Variants in NSD1 observed in about 807,000 individuals in gnomAD.
NSD1 encodes nuclear receptor binding SET domain protein 1.
A neutral mutation model predicts 242.7 loss-of-function variants in NSD1; 26 were observed. The ratio of observed to expected loss-of-function variants is 0.11; its 90% confidence interval spans 0.08 to 0.15. The LOEUF is 0.15. Among genes scored for constraint, NSD1 ranks in the 10% least tolerant of loss-of-function variants. The pLI is 1.00. For missense variants in NSD1, 2,495 were observed against 3,272.8 expected, an observed-to-expected ratio of 0.76 and a Z score of 5.80; for synonymous variants, 1,106 against 1,178.1, an observed-to-expected ratio of 0.94 and a Z score of 1.25.
intron 3 of NSD1, among the ~76,000 whole-genome samples, chr5:177,193,881 TCTC>T (rs1484286656): frequency 1.3e-5 from 2 of 151,602 alleles, no homozygotes; most frequent in African/African-American, 4.8e-5. Flanking sequence ...TTCAAGCAAT[TCTC>T]CTCCTGCCTC....
Position 177,294,169 on chromosome 5 carries a change from A to T in NSD1, c.6801A>T (p.Lys2267Asn). 1 of 1,614,200 alleles carries T rather than the reference A, an allele frequency of 6.2e-7. No homozygotes were observed. The highest frequency in any genetic ancestry group is 8.5e-7 in the Non-Finnish European group (1 of 1,180,026). Residue 2267 changes from lysine (K) to asparagine (N), a missense_variant, in exon 23 of 23, where the codon AAA becomes AAT. By Grantham distance (94) the Lys-to-Asn change is moderately conservative. This residue lies in a region of NSD1 where 475 missense variants were observed against 563.7 expected (regional missense o/e 0.84). Transcript: ENST00000439151. ...ACCAGATGCTGTCGCTCTCCAAAAAAGCTCTGGCAGGGACTTGTCAGAGGC... is the reference window on the plus strand; with the variant it reads ...ACCAGATGCTGTCGCTCTCCAAAAATGCTCTGGCAGGGACTTGTCAGAGGC... Reference protein sequence around the residue: ...DTNQMLSLSKKALAGTCQRPL... With the variant: ...DTNQMLSLSKNALAGTCQRPL...
Position 177,295,603 on chromosome 5 carries a change from C to A in NSD1, c.*144C>A. ...GTTATTCTTTCCTCATATCCCAACA[C>A]TCAGAACTCTTGTGACATTAGCCAG... On this transcript the variant is annotated 3_prime_UTR_variant, in exon 23 of 23. Coordinates refer to ENST00000439151, the MANE Select transcript of NSD1 (RefSeq NM_022455.5). The surrounding 1 kb of genome is among the most constrained non-coding windows in gnomAD (Gnocchi z 4.3). 1.1e-6 allele frequency: 1 copy of A among 887,746 alleles called. No homozygotes were observed. Among genetic ancestry groups the A allele is most frequent in the Non-Finnish European group, 1.8e-6 (1 of 553,198 alleles). 55.0% of individuals were successfully genotyped at this position (887,746 alleles called of 1,614,324 possible). A position where few individuals can be genotyped will look rare whatever the true frequency, so the allele number is the denominator to read the frequency against.
chr5:177,158,666 C>G (rs1758409595), intron 2 of NSD1, among the ~76,000 whole-genome samples: 1 of 151,612 alleles, frequency 6.6e-6, no homozygotes, highest in Non-Finnish European at 1.5e-5. Context: ...ATATTCTCAT[C>G]AACATTTATT....
chr5:177,192,577 G>T (rs1761783533), intron 3 of NSD1, among the ~76,000 whole-genome samples: 1 of 152,076 alleles, frequency 6.6e-6, no homozygotes, highest in Non-Finnish European at 1.5e-5. Context: ...TGTATTTTTA[G>T]TAGAAACGGG....
rs1457153381 is a variant in NSD1 at position 177,280,755 on chromosome 5, A to G, written c.5813A>G (p.Lys1938Arg). 6.2e-7 allele frequency: 1 copy of G among 1,614,116 alleles called. No individual in the cohort carries two copies. Among genetic ancestry groups the G allele is most frequent in the Non-Finnish European group, 8.5e-7 (1 of 1,180,052 alleles). The change falls in exon 18 of 23, where the codon AAG becomes AGG. Residue 1938 changes from lysine (K) to arginine (R), a missense_variant. Around this residue, in one of 19 missense-constraint regions of NSD1, gnomAD observed 114 missense variants for 247.4 expected, o/e 0.46. Transcript: ENST00000439151. ...CGCTGTCAAAACCAGTGCTTTTCCAAGCGCCAATATCCAGAGGTTGAAATT... is the reference window on the plus strand; with the variant it reads ...CGCTGTCAAAACCAGTGCTTTTCCAGGCGCCAATATCCAGAGGTTGAAATT... Reference protein sequence around the residue: ...GGRCQNQCFSKRQYPEVEIFR... With the variant: ...GGRCQNQCFSRRQYPEVEIFR...
chr5:177,292,261 C>T lies in NSD1; in HGVS notation c.6463+103C>T, dbSNP rs569954843. The T allele has an allele frequency of 1.2e-4, 143 of 1,154,986 alleles. 2 individuals are homozygous for T. In the African/African-American group the frequency reaches 1.3e-3, roughly 10 times the overall value. The allele number at this position is 1,154,986 out of a possible 1,614,324, so 71.5% of individuals were successfully genotyped here. On this transcript the variant is annotated intron_variant, in intron 22 of 22. Transcript: ENST00000439151. ...TGAAGAAAGTGCCATTTGGTCTTTC[C>T]ATGCATAATTTTGAGGGGTATGGTC... is the stretch of plus-strand genomic sequence containing the variant.
At chr5:177,292,918 C>T (rs1345786828) in intron 22 of NSD1, among the ~76,000 whole-genome samples, 2 of 152,288 alleles carry the variant, frequency 1.3e-5, no homozygotes, top group Non-Finnish European at 2.9e-5. Flanking sequence ...TAGTGACCTG[C>T]TTCCAAGAGT....
chr5:177,279,990 T>G (rs1273241233), intron 17 of NSD1, among the ~76,000 whole-genome samples: 1 of 149,536 alleles, frequency 6.7e-6, no homozygotes, highest in Non-Finnish European at 1.5e-5. Context: ...TTTATTTTAT[T>G]TTATTTTATT....
chr5:177,160,329 CAG>C (rs1239918064), intron 2 of NSD1, among the ~76,000 whole-genome samples: 2 of 151,672 alleles, frequency 1.3e-5, no homozygotes, highest in African/African-American at 4.8e-5. Context: ...GTTTTTGAGA[CAG>C]AGTTTCACTC....
intron 4 of NSD1, among the ~76,000 whole-genome samples, chr5:177,204,899 T>G (rs1313638647): frequency 2.0e-5 from 3 of 152,196 alleles, no homozygotes; most frequent in African/African-American, 4.8e-5. Flanking sequence ...CACTCAGTAG[T>G]GAAAATTATG....
rs1264367382 is a variant in NSD1, at chr5:177,134,564, C to G, written c.-17-523C>G. Among the ~76,000 whole-genome samples, 1 of 152,192 alleles carries G rather than the reference C, an allele frequency of 6.6e-6. No individual in the cohort carries two copies. Among genetic ancestry groups the G allele is most frequent in the Non-Finnish European group, 1.5e-5 (1 of 68,020 alleles). On this transcript the variant is annotated intron_variant, in intron 1 of 22. Transcript: ENST00000439151. This position sits in a 1 kb window ranked among gnomAD's most constrained non-coding sequence, Gnocchi z 4.2. ...TGGGGTGCAGCCGCCTCGGCCGGCT[C>G]GCCTGCGGCCTGCGCACCGCCGCTG...
chr5:177,190,697 T>G (rs983540379), intron 2 of NSD1, among the ~76,000 whole-genome samples: 9 of 149,958 alleles, frequency 6.0e-5, no homozygotes, highest in Non-Finnish European at 1.2e-4. Flanking sequence ...CGAGACGGAG[T>G]CTTGCTCTGT....
At chr5:177,196,928 A>G (rs745786704) in intron 3 of NSD1, among the ~76,000 whole-genome samples, 15 of 152,172 alleles carry the variant, frequency 9.9e-5, no homozygotes, top group Non-Finnish European at 1.9e-4. Flanking sequence ...CATATATATA[A>G]TGTTTTTCCT....
At chr5:177,177,718 A>G (rs1025804689) in intron 2 of NSD1, among the ~76,000 whole-genome samples, 37 of 152,174 alleles carry the variant, frequency 2.4e-4, no homozygotes, top group African/African-American at 8.7e-4. Flanking sequence ...ACCTATATGT[A>G]TGGGAACTCT....
At chr5:177,170,718 A>G (rs1348550224) in intron 2 of NSD1, among the ~76,000 whole-genome samples, 4 of 152,086 alleles carry the variant, frequency 2.6e-5, no homozygotes, top group Admixed American at 2.6e-4. Context: ...GAAGTGTACA[A>G]TTCAGTGCAT....
intron 2 of NSD1, among the ~76,000 whole-genome samples, chr5:177,146,930 C>T (rs1055635645): frequency 2.0e-5 from 3 of 151,864 alleles, no homozygotes; most frequent in Admixed American, 2.0e-4. Context: ...TCGCTTGAAC[C>T]CAGGAGGCGG....
At chr5:177,227,320 A>C (rs1281676225) in intron 5 of NSD1, among the ~76,000 whole-genome samples, 2 of 152,242 alleles carry the variant, frequency 1.3e-5, no homozygotes, top group Admixed American at 1.3e-4. Context: ...TTATGGTCTT[A>C]AATACATATG....
At chr5:177,150,275 A>T (rs1171740336) in intron 2 of NSD1, among the ~76,000 whole-genome samples, 1 of 151,888 alleles carries the variant, frequency 6.6e-6, no homozygotes, top group Non-Finnish European at 1.5e-5. Context: ...CTGGGATTAC[A>T]GGCACCCGCC....
At chr5:177,287,471 A>G (rs2127268365) in intron 20 of NSD1, among the ~76,000 whole-genome samples, 1 of 152,318 alleles carries the variant, frequency 6.6e-6, no homozygotes, top group East Asian at 1.9e-4. Context: ...CACCGTCTCT[A>G]CTAAAAATAC....
Sources: allele counts gnomAD v4.1 joint callset (sites outside exome capture counted in the v4.1 genomes callset), GRCh38; gene constraint gnomAD v4.1.1; regional missense constraint gnomAD v4.1.1; non-coding constraint Gnocchi (gnomAD v3.1); transcripts MANE v1.5; gene names NCBI Gene and HGNC (gene_info 2026-07-23, HGNC 2026-07-21).